The following ARHGAP15 variants were observed in gnomAD, a reference collection of about 807,000 sequenced individuals.
ARHGAP15 encodes rho GTPase-activating protein 15.
ARHGAP15 carries 51 observed loss-of-function variants against 63.7 expected under a neutral mutation model. The ratio of observed to expected loss-of-function variants is 0.80; its 90% CI spans 0.64 to 1.01. The LOEUF is 1.01. Ranked by LOEUF, ARHGAP15 falls within the 50% of genes least tolerant of loss-of-function variation. The pLI is 0.00. For synonymous variants in ARHGAP15, 191 were observed against 193.8 expected, an observed-to-expected ratio of 0.99 and a Z score of 0.12; for missense variants, 560 against 564.6, an observed-to-expected ratio of 0.99 and a Z score of 0.08.
intron 3 of ARHGAP15, among the ~76,000 whole-genome samples, chr2:143,212,894 G>A (rs925051662): frequency 4.6e-5 from 7 of 152,178 alleles, no homozygotes; most frequent in East Asian, 1.9e-4. Flanking sequence ...ATCCTACCTC[G>A]TGGAAACTTC....
intron 9 of ARHGAP15, among the ~76,000 whole-genome samples, chr2:143,514,641 C>T (rs1395272385): frequency 3.9e-5 from 6 of 152,178 alleles, no homozygotes; most frequent in African/African-American, 1.4e-4. Flanking sequence ...AACATAAAAT[C>T]TCAGTGGCAT....
chr2:143,224,698 T>C (rs1243732873), intron 4 of ARHGAP15, among the ~76,000 whole-genome samples: 1 of 152,186 alleles, frequency 6.6e-6, no homozygotes, highest in South Asian at 2.1e-4. Context: ...ATAGAAAATA[T>C]CAAATCCTTA....
intron 8 of ARHGAP15, among the ~76,000 whole-genome samples, chr2:143,463,897 C>A (rs952038008): frequency 6.6e-6 from 1 of 152,134 alleles, no homozygotes; most frequent in African/African-American, 2.4e-5. Context: ...CATTCACTTG[C>A]CCAGTGTCAC....
chr2:143,277,284 A>G (rs1681606636), intron 6 of ARHGAP15, among the ~76,000 whole-genome samples: 1 of 151,924 alleles, frequency 6.6e-6, no homozygotes, highest in Non-Finnish European at 1.5e-5. Context: ...CAGTTTCATT[A>G]CGTATCATTT....
intron 6 of ARHGAP15, among the ~76,000 whole-genome samples, chr2:143,367,758 A>T (rs1490703325): frequency 6.6e-6 from 1 of 152,000 alleles, no homozygotes; most frequent in Non-Finnish European, 1.5e-5. Flanking sequence ...GGGTTTATAA[A>T]ATAAACCACT....
intron 5 of ARHGAP15, among the ~76,000 whole-genome samples, chr2:143,244,755 C>A (rs1693983587): frequency 6.6e-6 from 1 of 151,982 alleles, no homozygotes; most frequent in Non-Finnish European, 1.5e-5. Context: ...GAAAAAAGGT[C>A]AAAATACAGA....
At chr2:143,382,314 G>A (rs191054091) in intron 6 of ARHGAP15, among the ~76,000 whole-genome samples, 2 of 152,222 alleles carry the variant, frequency 1.3e-5, no homozygotes, top group East Asian at 1.9e-4. Flanking sequence ...TTCAGGGCAC[G>A]CTCCCACTGA....
intron 10 of ARHGAP15, among the ~76,000 whole-genome samples, chr2:143,529,584 C>G (rs1694434588): frequency 6.6e-6 from 1 of 152,114 alleles, no homozygotes; most frequent in Non-Finnish European, 1.5e-5. Context: ...TGACCTCTGT[C>G]TACTGTTCAG....
intron 12 of ARHGAP15, among the ~76,000 whole-genome samples, chr2:143,627,247 A>G (rs754130843): frequency 1.3e-5 from 2 of 152,224 alleles, no homozygotes; most frequent in Non-Finnish European, 2.9e-5. Flanking sequence ...ACAGAATAGT[A>G]GAATGTCATT....
At chr2:143,303,820 A>C (rs1277938644) in intron 6 of ARHGAP15, among the ~76,000 whole-genome samples, 1 of 152,218 alleles carries the variant, frequency 6.6e-6, no homozygotes, top group Admixed American at 6.5e-5. Context: ...TCTCAAAAGA[A>C]GACATTTATG....
At chr2:143,279,777 T>C (rs1157404533) in intron 6 of ARHGAP15, among the ~76,000 whole-genome samples, 2 of 152,178 alleles carry the variant, frequency 1.3e-5, no homozygotes, top group Non-Finnish European at 2.9e-5. Flanking sequence ...ATTACATTGA[T>C]GGTTTCCTGT....
chr2:143,662,605 T>A (rs1479882779), intron 12 of ARHGAP15, among the ~76,000 whole-genome samples: 1 of 111,922 alleles, frequency 8.9e-6, no homozygotes, highest in Non-Finnish European at 2.0e-5. Context: ...CTTCAGACGA[T>A]CAAATTACTC....
At chr2:143,660,899 A>T (rs1433691893) in intron 12 of ARHGAP15, among the ~76,000 whole-genome samples, 1 of 152,190 alleles carries the variant, frequency 6.6e-6, no homozygotes, top group East Asian at 1.9e-4. Flanking sequence ...AAACTTAGCA[A>T]CTTCTTACAG....
intron 6 of ARHGAP15, among the ~76,000 whole-genome samples, chr2:143,347,689 G>C (rs949148583): frequency 6.6e-6 from 1 of 152,108 alleles, no homozygotes; most frequent in Admixed American, 6.6e-5. Context: ...TGGATGTTGC[G>C]TTAGGAATGT....
intron 11 of ARHGAP15, among the ~76,000 whole-genome samples, chr2:143,623,195 T>C (rs1698708231): frequency 6.6e-6 from 1 of 152,222 alleles, no homozygotes; most frequent in South Asian, 2.1e-4. Context: ...TTTAATTTTA[T>C]GTCAAGATGT....
chr2:143,266,480 G>T (rs970596200), intron 6 of ARHGAP15, among the ~76,000 whole-genome samples: 2 of 152,124 alleles, frequency 1.3e-5, no homozygotes, highest in African/African-American at 4.8e-5. Flanking sequence ...AAGGTGGTTG[G>T]TAGTTGCCAT....
chr2:143,156,989 T>C (rs1187162636), intron 2 of ARHGAP15, among the ~76,000 whole-genome samples: 2 of 151,956 alleles, frequency 1.3e-5, no homozygotes, highest in African/African-American at 2.4e-5. Flanking sequence ...TTAAGTATAT[T>C]TAATGATGCC....
At chr2:143,373,712 TTTG>T (rs940129184) in intron 6 of ARHGAP15, among the ~76,000 whole-genome samples, 3 of 151,294 alleles carry the variant, frequency 2.0e-5, no homozygotes, top group Admixed American at 6.6e-5. Context: ...AGCAATTACT[TTTG>T]TTGGTAGTCT....
At chr2:143,488,091 G>A (rs1470767554) in intron 9 of ARHGAP15, among the ~76,000 whole-genome samples, 2 of 152,174 alleles carry the variant, frequency 1.3e-5, no homozygotes, top group Admixed American at 6.5e-5. Flanking sequence ...AATAGATGAT[G>A]GCCACCAATC....
Sources: gnomAD v4.1 joint callset for allele counts (sites outside exome capture counted in the v4.1 genomes callset) on GRCh38, gnomAD v4.1.1 for gene constraint, MANE v1.5 for transcripts, NCBI Gene and HGNC (gene_info 2026-07-23, HGNC 2026-07-21) for gene names.